The following MAGI1 variants were observed in gnomAD, a reference collection of about 807,000 sequenced individuals.
MAGI1 encodes membrane-associated guanylate kinase, WW and PDZ domain-containing protein 1.
In MAGI1, 58 loss-of-function variants were observed where a neutral mutation model predicts 139.9. The ratio of observed to expected loss-of-function variants is 0.41; its 90% CI spans 0.34 to 0.52. MAGI1 has a LOEUF of 0.52. MAGI1 is among the 20% of genes least tolerant of loss of function. MAGI1 has a pLI of 0.12. For missense variants in MAGI1, 1,874 were observed against 1,901.6 expected (o/e 0.99, Z 0.27); for synonymous variants, 812 against 737.9 (o/e 1.10, Z -1.63).
chr3:65,461,377 G>A (rs529449929), intron 5 of MAGI1, among the ~76,000 whole-genome samples: 4 of 151,470 alleles, frequency 2.6e-5, no homozygotes, highest in South Asian at 2.1e-4. Flanking sequence ...CAATACACCC[G>A]CCTAGTTTTT....
chr3:65,789,172 C>G (rs773047112), intron 1 of MAGI1, among the ~76,000 whole-genome samples: 1 of 151,992 alleles, frequency 6.6e-6, no homozygotes, highest in Admixed American at 6.6e-5. Flanking sequence ...GAGTAAAACT[C>G]TATCTCTAAA....
intron 1 of MAGI1, among the ~76,000 whole-genome samples, chr3:65,666,918 A>G (rs928381019): frequency 5.9e-5 from 9 of 152,170 alleles, no homozygotes; most frequent in East Asian, 3.9e-4. Flanking sequence ...CTGCGCTTCA[A>G]TACCCTTTCC....
chr3:65,564,382 C>T (rs2080514197), intron 2 of MAGI1, among the ~76,000 whole-genome samples: 2 of 152,032 alleles, frequency 1.3e-5, no homozygotes, highest in Non-Finnish European at 2.9e-5. Flanking sequence ...CTGTTTTTGG[C>T]CTTCTTCCAT....
chr3:65,621,959 T>C lies in MAGI1; in HGVS notation c.430+13A>G. 6.4e-7 allele frequency: 1 copy of C among 1,569,944 alleles called. No individual in the cohort carries two copies. Among genetic ancestry groups the C allele is most frequent in the Non-Finnish European group, 8.7e-7 (1 of 1,146,730 alleles). On this transcript the variant is annotated intron_variant, in intron 2 of 22. Coordinates refer to ENST00000402939, the MANE Select transcript of MAGI1 (RefSeq NM_001033057.2). ...CACACACAGCAGTGAGATGCCAAAG[T>C]CCAACTACTTACAAGGCACAGCATG... is the stretch of plus-strand genomic sequence containing the variant.
intron 1 of MAGI1, among the ~76,000 whole-genome samples, chr3:65,908,348 G>C (rs2061521018): frequency 6.6e-6 from 1 of 151,598 alleles, no homozygotes; most frequent in South Asian, 2.1e-4. Flanking sequence ...CTGTCACCCA[G>C]GCTGGAGCAC....
intron 1 of MAGI1, among the ~76,000 whole-genome samples, chr3:65,804,446 G>A (rs2040713366): frequency 6.6e-6 from 1 of 151,146 alleles, no homozygotes; most frequent in South Asian, 2.1e-4. Context: ...AAATTACATT[G>A]ATATTTATAT....
At chr3:65,868,038 C>T (rs1160099204) in intron 1 of MAGI1, among the ~76,000 whole-genome samples, 1 of 152,138 alleles carries the variant, frequency 6.6e-6, no homozygotes, top group Non-Finnish European at 1.5e-5. Flanking sequence ...TGAGAAAAAT[C>T]CCCATGAATT....
chr3:65,950,067 C>CAAAAAAAAAAAAAAAAAAAAAAAAAAAA (rs61696952), intron 1 of MAGI1, among the ~76,000 whole-genome samples: 14 of 76,726 alleles, frequency 1.8e-4, no homozygotes, highest in East Asian at 9.0e-4. Context: ...AACAAAAAAA[C>CAAAAAAAAAAAAAAAAAAAAAAAAAAAA]AAAAAAAAAA....
chr3:65,742,061 C>T (rs1433110282), intron 1 of MAGI1, among the ~76,000 whole-genome samples: 1 of 152,194 alleles, frequency 6.6e-6, no homozygotes, highest in African/African-American at 2.4e-5. Context: ...CCCTTGTTCA[C>T]TCGCATGGGG....
chr3:65,653,883 C>T (rs1267379504), intron 1 of MAGI1, among the ~76,000 whole-genome samples: 2 of 152,122 alleles, frequency 1.3e-5, no homozygotes, highest in Non-Finnish European at 2.9e-5. Flanking sequence ...AACACAACTC[C>T]AACTATGTTC....
At chr3:65,605,371 T>G (rs943618221) in intron 2 of MAGI1, among the ~76,000 whole-genome samples, 1 of 152,144 alleles carries the variant, frequency 6.6e-6, no homozygotes, top group Non-Finnish European at 1.5e-5. Flanking sequence ...TACACTCACA[T>G]ACCAGCCAAA....
In MAGI1 at chr3:65,574,438, T is replaced by C. The variant is rs1271022512; in HGVS notation, c.430+47534A>G. 1.4e-4 allele frequency among the ~76,000 whole-genome samples: 19 copies of C among 134,088 alleles called. No homozygotes were observed. In the East Asian group the frequency reaches 2.1e-3, roughly 15 times the overall value. The allele number at this position is 134,088 out of a possible 152,430, so 88.0% of individuals were successfully genotyped here. A position where few individuals can be genotyped will look rare whatever the true frequency, so the allele number is the denominator to read the frequency against. Reference sequence around the variant, plus strand: ...TGACTGGAGATGTAAATGACCTGCATAGAAACTAAAAAAAAAAAAAAAAAA... The same window carrying C: ...TGACTGGAGATGTAAATGACCTGCACAGAAACTAAAAAAAAAAAAAAAAAA... On this transcript the variant is annotated intron_variant, in intron 2 of 22. Coordinates refer to ENST00000402939, the MANE Select transcript of MAGI1 (RefSeq NM_001033057.2).
At chr3:65,511,800 T>C in intron 2 of MAGI1, among the ~76,000 whole-genome samples, 1 of 141,498 alleles carries the variant, frequency 7.1e-6, no homozygotes, top group African/African-American at 2.6e-5. Flanking sequence ...CTGCACCAAG[T>C]GGACCTAATA....
chr3:65,991,729 T>C (rs2066184012), intron 1 of MAGI1, among the ~76,000 whole-genome samples: 1 of 152,058 alleles, frequency 6.6e-6, no homozygotes, highest in African/African-American at 2.4e-5. Context: ...AAAAAATAAA[T>C]CCAGGCCAGG....
At chr3:65,987,640 G>C (rs2065947754) in intron 1 of MAGI1, among the ~76,000 whole-genome samples, 1 of 151,906 alleles carries the variant, frequency 6.6e-6, no homozygotes, top group African/African-American at 2.4e-5. Context: ...TGTCACCCAG[G>C]CTGGAGTGCA....
intron 2 of MAGI1, among the ~76,000 whole-genome samples, chr3:65,517,772 CTT>C (rs1467357973): frequency 2.6e-5 from 4 of 152,032 alleles, no homozygotes; most frequent in Admixed American, 2.0e-4. Flanking sequence ...ACTCCAAACT[CTT>C]TATTTTGATC....
intron 1 of MAGI1, among the ~76,000 whole-genome samples, chr3:65,817,865 TG>T (rs1167537914): frequency 6.6e-6 from 1 of 152,162 alleles, no homozygotes; most frequent in African/African-American, 2.4e-5. Flanking sequence ...CAAGACACAA[TG>T]GTCTAATAAA....
intron 2 of MAGI1, among the ~76,000 whole-genome samples, chr3:65,615,397 T>C (rs532661737): frequency 3.9e-5 from 6 of 152,278 alleles, no homozygotes; most frequent in African/African-American, 1.2e-4. Flanking sequence ...AGAAGAGGAA[T>C]TGTCACGGTC....
chr3:65,930,895 G>A (rs1179557354), intron 1 of MAGI1, among the ~76,000 whole-genome samples: 1 of 152,154 alleles, frequency 6.6e-6, no homozygotes, highest in African/African-American at 2.4e-5. Context: ...TCTGGGAATT[G>A]CCCGCCCCTT....
Sources: gnomAD v4.1 joint callset for allele counts (sites outside exome capture counted in the v4.1 genomes callset) on GRCh38, gnomAD v4.1.1 for gene constraint, MANE v1.5 for transcripts, NCBI Gene and HGNC (gene_info 2026-07-23, HGNC 2026-07-21) for gene names.